DOCK3: variants seen among roughly 807,000 people sequenced by gnomAD.
DOCK3 encodes dedicator of cytokinesis protein 3.
DOCK3 carries 60 observed loss-of-function variants against 265.6 expected under a neutral mutation model. That is an observed-to-expected ratio of 0.23 (90% CI 0.18 to 0.28). The LOEUF (loss-of-function observed/expected upper bound fraction) is 0.28. Ranked by LOEUF, DOCK3 falls within the 10% of genes least tolerant of loss-of-function variation. The probability of loss-of-function intolerance (pLI) is 1.00; values close to 1 mark genes in which losing one functional copy is unlikely to be tolerated. For synonymous variants in DOCK3, 881 were observed against 938.0 expected (o/e 0.94, Z 1.11); for missense variants, 1,981 against 2,594.3 (o/e 0.76, Z 5.14).
At chr3:50,728,477 A>C (rs988811703) in intron 1 of DOCK3, among the ~76,000 whole-genome samples, 1 of 152,188 alleles carries the variant, frequency 6.6e-6, no homozygotes, top group African/African-American at 2.4e-5. Flanking sequence ...TCAATTAAAG[A>C]GAAAATAGAC....
chr3:51,211,822 C>G (rs150224297), intron 13 of DOCK3, among the ~76,000 whole-genome samples: 1 of 152,240 alleles, frequency 6.6e-6, no homozygotes, highest in East Asian at 1.9e-4. Context: ...AATAAACATA[C>G]GTGTGCATGT....
chr3:51,249,657 G>C (rs1576536940), intron 22 of DOCK3, among the ~76,000 whole-genome samples: 1 of 94,270 alleles, frequency 1.1e-5, no homozygotes, highest in African/African-American at 4.3e-5. Flanking sequence ...GTGGGGGGGG[G>C]TCAGCCCCCC....
rs2088663493 is a variant in DOCK3, at chr3:51,381,707, C to T, written c.*148C>T. The T allele has an allele frequency of 1.9e-5, 22 of 1,135,028 alleles. No individual in the cohort carries two copies. Among genetic ancestry groups the T allele is most frequent in the Non-Finnish European group, 2.2e-5 (18 of 832,672 alleles). 70.3% of individuals were successfully genotyped at this position (1,135,028 alleles called of 1,614,324 possible). A position where few individuals can be genotyped will look rare whatever the true frequency, so the allele number is the denominator to read the frequency against. ...CACCCCCAAGTCTCCGTTCTACTGCCGTGAACTCATGTGTTGCCATGTACA... is the reference window on the plus strand; with the variant it reads ...CACCCCCAAGTCTCCGTTCTACTGCTGTGAACTCATGTGTTGCCATGTACA... On this transcript the variant is annotated 3_prime_UTR_variant, in exon 53 of 53. Transcript: ENST00000266037. This position sits in a 1 kb window ranked among gnomAD's most constrained non-coding sequence, Gnocchi z 5.6.
chr3:50,872,480 G>C (rs1186664251), intron 3 of DOCK3, among the ~76,000 whole-genome samples: 3 of 152,218 alleles, frequency 2.0e-5, no homozygotes, highest in Non-Finnish European at 4.4e-5. Context: ...ACTGTGCTGG[G>C]TCAGACCTGA....
chr3:51,285,724 G>A (rs1461693408), intron 27 of DOCK3, among the ~76,000 whole-genome samples: 4 of 152,146 alleles, frequency 2.6e-5, no homozygotes, highest in African/African-American at 7.2e-5. Flanking sequence ...CATGAGGTCA[G>A]GAGTTTGAGA....
At chr3:51,224,960 T>C (rs1466425530) in intron 14 of DOCK3, among the ~76,000 whole-genome samples, 11 of 152,256 alleles carry the variant, frequency 7.2e-5, no homozygotes. Flanking sequence ...TTGGGCAAAT[T>C]GGGCTGGTCA....
rs781870958 is a variant in DOCK3 at position 51,380,156 on chromosome 3, C to G, written c.5532C>G (p.His1844Gln). 1.2e-6 allele frequency: 2 copies of G among 1,613,642 alleles called. No individual in the cohort carries two copies. The highest frequency in any genetic ancestry group is 2.7e-5 in the African/African-American group (2 of 74,930). The change falls in exon 52 of 53, where the codon CAC becomes CAG. Residue 1844 changes from histidine to glutamine, a missense_variant. By Grantham distance (24) the His-to-Gln change is conservative. This residue lies in a region of DOCK3 where 1,357 missense variants were observed against 1,866.8 expected (regional missense o/e 0.73). Coordinates refer to ENST00000266037, the MANE Select transcript of DOCK3 (RefSeq NM_004947.5). Reference sequence around the variant, plus strand: ...ACTCCCTACACTTTGACGCCTTCCACCACCCTCTGGGTGATACCCCCCCAG... The same window carrying G: ...ACTCCCTACACTTTGACGCCTTCCAGCACCCTCTGGGTGATACCCCCCCAG... ...GHYSLHFDAF[H>Q]HPLGDTPPAL...
At chr3:50,742,864 T>C (rs1311183298) in intron 1 of DOCK3, among the ~76,000 whole-genome samples, 2 of 151,828 alleles carry the variant, frequency 1.3e-5, no homozygotes, top group East Asian at 1.9e-4. Context: ...AGATACTCCT[T>C]GAGAAGAGCA....
intron 14 of DOCK3, among the ~76,000 whole-genome samples, chr3:51,215,289 G>A (rs1560222217): frequency 6.6e-6 from 1 of 152,046 alleles, no homozygotes. Flanking sequence ...TGTAATTTTT[G>A]TAGAGACGGT....
Position 51,016,679 on chromosome 3 carries a change from A to G in DOCK3, c.316-47769A>G, listed in dbSNP as rs187545053. 4.5e-3 allele frequency among the ~76,000 whole-genome samples: 428 copies of G among 94,598 alleles called. 53 individuals are homozygous for G. Among genetic ancestry groups the G allele is most frequent in the African/African-American group, 0.018 (392 of 22,344 alleles). 62.1% of individuals were successfully genotyped at this position (94,598 alleles called of 152,430 possible). A position where few individuals can be genotyped will look rare whatever the true frequency, so the allele number is the denominator to read the frequency against. On this transcript the variant is annotated intron_variant, in intron 5 of 52. Coordinates refer to ENST00000266037, the MANE Select transcript of DOCK3 (RefSeq NM_004947.5). ...TATATATATTATATGATATATATTT[A>G]TATATCATATAATATATAAATATAT...
intron 5 of DOCK3, among the ~76,000 whole-genome samples, chr3:50,951,791 G>GAA (rs60461799): frequency 2.0e-5 from 3 of 149,348 alleles, no homozygotes; most frequent in Admixed American, 1.3e-4. Flanking sequence ...TGCTAAGACT[G>GAA]AAAAAAAAAA....
At chr3:50,887,126 A>G (rs1477184893) in intron 3 of DOCK3, among the ~76,000 whole-genome samples, 6 of 152,088 alleles carry the variant, frequency 3.9e-5, no homozygotes, top group Non-Finnish European at 8.8e-5. Context: ...CAAGACTAAT[A>G]AAGAAGAAAA....
intron 14 of DOCK3, among the ~76,000 whole-genome samples, chr3:51,223,908 C>T (rs2090206441): frequency 6.6e-6 from 1 of 152,092 alleles, no homozygotes; most frequent in African/African-American, 2.4e-5. Flanking sequence ...CCAAACCTAC[C>T]CTGTACACCT....
chr3:51,305,724 G>T (rs2082625768), intron 27 of DOCK3, among the ~76,000 whole-genome samples: 2 of 40,828 alleles, frequency 4.9e-5, no homozygotes, highest in South Asian at 8.9e-4. Context: ...GTCTGTGTGT[G>T]TGTGTGTGCG....
chr3:51,359,147 G>C lies in DOCK3; in HGVS notation c.4884+1070G>C, dbSNP rs989561997. 1.3e-5 allele frequency among the ~76,000 whole-genome samples: 2 copies of C among 152,232 alleles called. No homozygotes were observed. The highest frequency in any genetic ancestry group is 1.3e-4 in the Admixed American group (2 of 15,286). On this transcript the variant is annotated intron_variant, in intron 46 of 52. Transcript: ENST00000266037. The surrounding 1 kb of genome is among the most constrained non-coding windows in gnomAD (Gnocchi z 4.8). ...TCTAGGGATAACCATGGCCACAGGA[G>C]CCCTGAGGGAGGTTGCACTACTTAA...
chr3:50,830,779 A>C (rs1323004780), intron 2 of DOCK3, among the ~76,000 whole-genome samples: 1 of 152,196 alleles, frequency 6.6e-6, no homozygotes, highest in Non-Finnish European at 1.5e-5. Context: ...TCACAGTCTA[A>C]ATAAGAATGC....
chr3:51,195,036 AG>A (rs1382311997), intron 12 of DOCK3, among the ~76,000 whole-genome samples: 2 of 152,066 alleles, frequency 1.3e-5, no homozygotes, highest in African/African-American at 4.8e-5. Context: ...CATGTTGGCC[AG>A]GATGGTCTCG....
At chr3:51,006,302 TTCAGCTTAATTA>T (rs2078676364) in intron 5 of DOCK3, among the ~76,000 whole-genome samples, 1 of 62,246 alleles carries the variant, frequency 1.6e-5, no homozygotes, top group African/African-American at 4.0e-5. Flanking sequence ...AATCTAGTTA[TTCAGCTTAATTA>T]TCTTTTCTCC....
intron 2 of DOCK3, among the ~76,000 whole-genome samples, chr3:50,805,069 G>A (rs2043331723): frequency 6.6e-6 from 1 of 151,842 alleles, no homozygotes; most frequent in Admixed American, 6.6e-5. Context: ...TAGGTGACGT[G>A]TTTTCTTGCT....
Sources: allele counts gnomAD v4.1 joint callset (sites outside exome capture counted in the v4.1 genomes callset), GRCh38; gene constraint gnomAD v4.1.1; regional missense constraint gnomAD v4.1.1; non-coding constraint Gnocchi (gnomAD v3.1); transcripts MANE v1.5; gene names NCBI Gene and HGNC (gene_info 2026-07-23, HGNC 2026-07-21).